SDK2: variants seen among roughly 807,000 people sequenced by gnomAD.
The protein encoded by SDK2 is sidekick cell adhesion molecule 2, also known as protein sidekick-2.
SDK2 carries 105 observed loss-of-function variants against 253.9 expected under a neutral mutation model. The observed-to-expected ratio is 0.41, with a 90% CI of 0.35 to 0.49. The LOEUF (loss-of-function observed/expected upper bound fraction) is 0.49, where lower values mean the gene tolerates loss of function less well. SDK2 is among the 20% of genes least tolerant of loss of function. SDK2 has a pLI of 0.06. For missense variants in SDK2, 2,608 were observed against 3,003.0 expected (o/e 0.87, Z 3.07); for synonymous variants, 1,249 against 1,234.9 (o/e 1.01, Z -0.24).
At position 73,643,957 on chromosome 17, in the gene SDK2, T is replaced by TGCCCCCCCCCCCCCCCCCC; in HGVS notation, c.64+67_64+68insGGGGGGGGGGGGGGGGGGC. 6.9e-6 allele frequency: 7 copies of TGCCCCCCCCCCCCCCCCCC among 1,019,990 alleles called. No individual in the cohort carries two copies. Among genetic ancestry groups the TGCCCCCCCCCCCCCCCCCC allele is most frequent in the Non-Finnish European group, 8.9e-6 (6 of 674,878 alleles). 63.2% of individuals were successfully genotyped at this position (1,019,990 alleles called of 1,614,324 possible). A position where few individuals can be genotyped will look rare whatever the true frequency, so the allele number is the denominator to read the frequency against. On this transcript the variant is annotated intron_variant, in intron 1 of 44. Coordinates refer to ENST00000392650, the MANE Select transcript of SDK2 (RefSeq NM_001144952.2). This position sits in a 1 kb window ranked among gnomAD's most constrained non-coding sequence, Gnocchi z 6.9. ...GGAGGTCACCGTGAGGCCGGCCAGC[T>TGCCCCCCCCCCCCCCCCCC]CCCGCCGCCCCTCCCCCGCCCACTC...
At chr17:73,350,584 T>C in intron 42 of SDK2, 66 bp downstream of exon 42, 1 of 1,552,672 alleles carries the variant, frequency 6.4e-7, no homozygotes, top group Non-Finnish European at 8.7e-7. Flanking sequence ...ATCACCCCTG[T>C]TCTGGCCAAA....
chr17:73,552,236 C>T (rs2045072516), intron 1 of SDK2, among the ~76,000 whole-genome samples: 1 of 152,212 alleles, frequency 6.6e-6, no homozygotes, highest in African/African-American at 2.4e-5. Context: ...GCAGCAGAAA[C>T]GCACTAAAAT....
chr17:73,354,781 G>A (rs939948171), intron 40 of SDK2, among the ~76,000 whole-genome samples: 10 of 151,954 alleles, frequency 6.6e-5, no homozygotes, highest in African/African-American at 1.9e-4. Context: ...TGCAGGGCCC[G>A]TTCTTCTCGC....
At chr17:73,459,395 T>C (rs900312442) in intron 3 of SDK2, among the ~76,000 whole-genome samples, 3 of 152,306 alleles carry the variant, frequency 2.0e-5, no homozygotes, top group Middle Eastern at 3.4e-3. Context: ...AGACAACCTT[T>C]CTTGCCTTAA....
Position 73,385,897 on chromosome 17 carries a change from T to A in SDK2, c.4519A>T (p.Ile1507Phe). 1.2e-6 allele frequency: 2 copies of A among 1,607,902 alleles called. No homozygotes were observed. The highest frequency in any genetic ancestry group is 1.7e-6 in the Non-Finnish European group (2 of 1,177,772). ...GTGGTGTGGGGCGTCACGGAGAGGATGGTGGGTGCTTCATCGGGGGCTGTG... is the reference window on the plus strand; with the variant it reads ...GTGGTGTGGGGCGTCACGGAGAGGAAGGTGGGTGCTTCATCGGGGGCTGTG... ...LQAAPDEAPT[I>F]LSVTPHTTTS... is the part of the protein sequence containing the mutation. The change falls in exon 32 of 45, where the codon ATC (isoleucine) becomes TTC (phenylalanine). Residue 1507 changes from isoleucine (I) to phenylalanine (F), a missense_variant. Transcript: ENST00000392650.
At chr17:73,406,798 T>A (rs1458566977) in intron 18 of SDK2, among the ~76,000 whole-genome samples, 1 of 152,142 alleles carries the variant, frequency 6.6e-6, no homozygotes, top group Non-Finnish European at 1.5e-5. Flanking sequence ...GTGGTAAAAT[T>A]ACAGAGAGAA....
intron 1 of SDK2, among the ~76,000 whole-genome samples, chr17:73,577,074 G>T (rs1286877089): frequency 6.6e-6 from 1 of 152,188 alleles, no homozygotes; most frequent in Admixed American, 6.5e-5. Flanking sequence ...GAGGGTCCAG[G>T]CTAGAGAAAG....
At chr17:73,619,555 G>C (rs9898971) in intron 1 of SDK2, among the ~76,000 whole-genome samples, 14,606 of 152,136 alleles carry the variant, frequency 0.096, 818 homozygotes, top group African/African-American at 0.14. Context: ...GAATGAACCT[G>C]AACCCCTACC....
rs118131889 is a variant in SDK2 at position 73,425,940 on chromosome 17, C to T, written c.1584-1848G>A. Reference sequence around the variant, plus strand: ...ATAAAATAGAGAAGTGCCTGAACCACGGCAAGCGGTCAGTAACAGTTAGCC... The same window carrying T: ...ATAAAATAGAGAAGTGCCTGAACCATGGCAAGCGGTCAGTAACAGTTAGCC... On this transcript the variant is annotated intron_variant, in intron 12 of 44. Transcript: ENST00000392650. Among the ~76,000 whole-genome samples the T allele has an allele frequency of 2.5e-3, 380 of 152,276 alleles. 14 individuals are homozygous for T. In the East Asian group the frequency reaches 0.066, roughly 27 times the overall value.
rs1324343462 is a variant in SDK2, at chr17:73,379,246, G to C, written c.4911C>G (p.Ala1637=). 6.4e-7 allele frequency: 1 copy of C among 1,557,272 alleles called. No homozygotes were observed. The highest frequency in any genetic ancestry group is 1.4e-5 in the African/African-American group (1 of 73,452). Residue 1637 remains alanine (A), a synonymous_variant, in exon 36 of 45, where the codon GCC becomes GCG. Coordinates refer to ENST00000392650, the MANE Select transcript of SDK2 (RefSeq NM_001144952.2). This position sits in a 1 kb window ranked among gnomAD's most constrained non-coding sequence, Gnocchi z 4.5. The part of the protein sequence containing the change: ...PRNVVVHGAT[A]TQLDVTWEPP... ...GCTCCCAAGTCACGTCCAGCTGTGT[G>C]GCCGTGGCGCCGTGGACGACCACGT...
chr17:73,635,606 T>C (rs376795654), intron 1 of SDK2, among the ~76,000 whole-genome samples: 15 of 152,212 alleles, frequency 9.9e-5, no homozygotes, highest in East Asian at 7.7e-4. Context: ...AGCCTCATTA[T>C]GGCAAATAAT....
intron 36 of SDK2, among the ~76,000 whole-genome samples, chr17:73,373,228 T>C (rs570584800): frequency 4.6e-5 from 7 of 152,378 alleles, no homozygotes; most frequent in African/African-American, 1.7e-4. Context: ...GGTATTCCAC[T>C]GTGTATAAAC....
At chr17:73,454,113 A>C (rs1374603560) in intron 4 of SDK2, among the ~76,000 whole-genome samples, 1 of 152,240 alleles carries the variant, frequency 6.6e-6, no homozygotes, top group Non-Finnish European at 1.5e-5. Flanking sequence ...TACACCATAC[A>C]TCCTGGGTGT....
intron 1 of SDK2, among the ~76,000 whole-genome samples, chr17:73,548,795 G>C (rs1484421311): frequency 6.6e-6 from 1 of 152,236 alleles, no homozygotes; most frequent in Non-Finnish European, 1.5e-5. Flanking sequence ...TGCATGGTGG[G>C]GGGCCTTGGG....
chr17:73,350,259 G>A lies in SDK2; in HGVS notation c.6016C>T (p.Arg2006Ter), dbSNP rs765775983. The change falls in exon 43 of 45, where the codon CGA becomes TGA. Residue 2006 changes from arginine (R) to a stop codon, truncating the protein, a stop_gained. Transcript: ENST00000392650. LOFTEE classifies it high-confidence loss of function. ...RRLSVKNSFC[R>*]KNGLYTRSPP... is the part of the protein sequence containing the mutation. ...TACCTGGTGTACAGGCCGTTCTTTC[G>A]GCAGAAAGAGTTCTTGACGGAGAGC... 2.1e-6 allele frequency: 3 copies of A among 1,438,146 alleles called. No individual in the cohort carries two copies. The highest frequency in any genetic ancestry group is 2.2e-5 in the Admixed American group (1 of 44,668). The allele number at this position is 1,438,146 out of a possible 1,614,324, so 89.1% of individuals were successfully genotyped here. A position where few individuals can be genotyped will look rare whatever the true frequency, so the allele number is the denominator to read the frequency against.
chr17:73,504,375 T>C (rs62074127), intron 2 of SDK2: 90,433 of 149,888 alleles, frequency 0.6, 27,835 homozygotes, highest in Non-Finnish European at 0.66. Context: ...CGCCTGTAAT[T>C]CCAGCACTTT....
rs919922955 is a variant in SDK2, at chr17:73,616,007, A to T, written c.64+28018T>A. Among the ~76,000 whole-genome samples the T allele has an allele frequency of 1.6e-4, 24 of 152,294 alleles. No individual in the cohort carries two copies. The highest frequency in any genetic ancestry group is 5.5e-4 in the African/African-American group (23 of 41,542). On this transcript the variant is annotated intron_variant, in intron 1 of 44. Coordinates refer to ENST00000392650, the MANE Select transcript of SDK2 (RefSeq NM_001144952.2). The surrounding 1 kb of genome is among the most constrained non-coding windows in gnomAD (Gnocchi z 5.2). ...CCCAAATACACGTACACACGCATGC[A>T]TGTAGACACATATGCATATACACAT...
chr17:73,385,873 T>C lies in SDK2; in HGVS notation c.4543A>G (p.Thr1515Ala). 2 of 1,608,378 alleles carry C rather than the reference T, an allele frequency of 1.2e-6. No homozygotes were observed. The highest frequency in any genetic ancestry group is 8.5e-7 in the Non-Finnish European group (1 of 1,178,010). Residue 1515 changes from threonine (T) to alanine (A), a missense_variant, in exon 32 of 45, where the codon ACC (threonine) becomes GCC (alanine). Thr to Ala is a moderately conservative substitution (Grantham distance 58). This residue lies in a region of SDK2 where 1,103 missense variants were observed against 1,143.9 expected (regional missense o/e 0.96). Coordinates refer to ENST00000392650, the MANE Select transcript of SDK2 (RefSeq NM_001144952.2). ...TGCCATCGGATTAGCACGGAGGTGG[T>C]GGTGTGGGGCGTCACGGAGAGGATG... ...PTILSVTPHT[T>A]TSVLIRWQPP...
chr17:73,552,509 G>A (rs557902443), intron 1 of SDK2, among the ~76,000 whole-genome samples: 67 of 152,308 alleles, frequency 4.4e-4, no homozygotes, highest in African/African-American at 1.6e-3. Context: ...GCTGATGGCC[G>A]AGCGGTCAGT....
Sources: allele counts gnomAD v4.1 joint callset (sites outside exome capture counted in the v4.1 genomes callset), GRCh38; gene constraint gnomAD v4.1.1; regional missense constraint gnomAD v4.1.1; non-coding constraint Gnocchi (gnomAD v3.1); transcripts MANE v1.5; gene names NCBI Gene and HGNC (gene_info 2026-07-23, HGNC 2026-07-21).